The following RSPH10B variants were observed in gnomAD, a reference collection of about 807,000 sequenced individuals.
RSPH10B encodes radial spoke head 10 homolog B (Chlamydomonas).
In RSPH10B, 7 loss-of-function variants were observed where a neutral mutation model predicts 52.5. The ratio of observed to expected loss-of-function variants is 0.13; its 90% confidence interval spans 0.08 to 0.25. The LOEUF (loss-of-function observed/expected upper bound fraction) is 0.25. RSPH10B is among the 10% of genes least tolerant of loss of function. The pLI is 1.00. For missense variants in RSPH10B, 89 were observed against 542.5 expected (o/e 0.16, Z 8.30); for synonymous variants, 28 against 193.2 (o/e 0.14, Z 7.09).
chr7:5,966,869 A>T (rs199695142), exon 1 of RSPH10B: 3 of 1,368,260 alleles, frequency 2.2e-6, no homozygotes, highest in Non-Finnish European at 3.0e-6. Context: ...TCACCTTTCC[A>T]CTATGAGTTT....
rs1184827967 is a variant in RSPH10B at position 5,952,729 on chromosome 7, CT to C, written c.1102+345del. Among the ~76,000 whole-genome samples the C allele has an allele frequency of 8.9e-4, 73 of 81,672 alleles. 7 individuals are homozygous for C. The highest frequency in any genetic ancestry group is 1.1e-3 in the African/African-American group (19 of 17,108). 53.6% of individuals were successfully genotyped at this position (81,672 alleles called of 152,430 possible). Reference sequence around the variant, plus strand: ...GGATAAAAACAGATGAATTTTATTTCTTTTTTTTTTTCCATTTTATTTATTT... The same window carrying C: ...GGATAAAAACAGATGAATTTTATTTCTTTTTTTTTTCCATTTTATTTATTT... On this transcript the variant is annotated intron_variant, in intron 8 of 18. Coordinates refer to ENST00000337579, the Ensembl canonical transcript of RSPH10B.
In RSPH10B at chr7:5,927,058, GTGTGTGTGTATA is replaced by G. The variant is rs1382114868; in HGVS notation, c.2433-522_2433-511del. Among the ~76,000 whole-genome samples, 315 of 82,972 alleles carry G rather than the reference GTGTGTGTGTATA, an allele frequency of 3.8e-3. 5 individuals carry two copies. The highest frequency in any genetic ancestry group is 5.6e-3 in the Non-Finnish European group (229 of 40,976). The allele number at this position is 82,972 out of a possible 152,430, so 54.4% of individuals were successfully genotyped here. On this transcript the variant is annotated intron_variant, in intron 18 of 18. Transcript: ENST00000337579. ...GTGTGTGTGTGTGTATTATGTGTGT[GTGTGTGTGTATA>G]TGTGTGTGTGTGTGTGTGTGTGTGT...
At chr7:5,970,351 C>CTACA (rs2128645766), upstream of RSPH10B, 1 of 107,948 alleles carries the variant, frequency 9.3e-6, no homozygotes, top group African/African-American at 3.3e-5. Context: ...AATAAGTGAA[C>CTACA]TACAAATCAA....
intron 17 of RSPH10B, among the ~76,000 whole-genome samples, chr7:5,931,027 G>A (rs1224964893): frequency 9.3e-6 from 1 of 108,066 alleles, no homozygotes; most frequent in African/African-American, 3.4e-5. Flanking sequence ...TCTGCCTCCT[G>A]GGTTCAAGCA....
At chr7:5,966,196 G>T (rs1310346825) in intron 1 of RSPH10B, among the ~76,000 whole-genome samples, 1 of 85,498 alleles carries the variant, frequency 1.2e-5, no homozygotes, top group Non-Finnish European at 2.4e-5. Context: ...CTCCCAAAGT[G>T]CTGGGATTAC....
chr7:5,943,078 T>A, intron 13 of RSPH10B: 1 of 733,914 alleles, frequency 1.4e-6, no homozygotes, highest in Admixed American at 3.4e-5. Flanking sequence ...GCCATTGTTA[T>A]AGGCCATGGA....
intron 6 of RSPH10B, among the ~76,000 whole-genome samples, chr7:5,956,871 AT>A (rs1780747574): frequency 9.8e-6 from 1 of 101,552 alleles, no homozygotes; most frequent in South Asian, 3.5e-4. Context: ...CTAAATTTTT[AT>A]TTTTTAAAGA....
At chr7:5,927,048 T>TGTGTGTGTGTGTA (rs1347951159) in intron 18 of RSPH10B, among the ~76,000 whole-genome samples, 97 of 70,748 alleles carry the variant, frequency 1.4e-3, no homozygotes, top group Middle Eastern at 0.01. Flanking sequence ...TGTGTGTGTA[T>TGTGTGTGTGTGTA]TATGTGTGTG....
Position 5,958,972 on chromosome 7 carries a change from C to T in RSPH10B, c.659+21G>A, listed in dbSNP as rs765562279. The T allele has an allele frequency of 1.5e-5, 20 of 1,327,342 alleles. 4 individuals are homozygous for T. Among genetic ancestry groups the T allele is most frequent in the South Asian group, 1.3e-4 (11 of 84,890 alleles). The allele number at this position is 1,327,342 out of a possible 1,614,324, so 82.2% of individuals were successfully genotyped here. On this transcript the variant is annotated intron_variant, in intron 5 of 18. Coordinates refer to ENST00000337579, the Ensembl canonical transcript of RSPH10B. Reference sequence around the variant, plus strand: ...AACCCTTCTTCATCTACACCCCAAGCGCGGCGGTGGTCATACCTACCATCT... The same window carrying T: ...AACCCTTCTTCATCTACACCCCAAGTGCGGCGGTGGTCATACCTACCATCT...
At chr7:5,940,941 TA>T (rs376745490) in intron 13 of RSPH10B, among the ~76,000 whole-genome samples, 18,617 of 58,822 alleles carry the variant, frequency 0.32, 3,136 homozygotes, top group South Asian at 0.44. Flanking sequence ...ATAATAATAA[TA>T]ATTATTATTA....
At chr7:5,967,377 AG>A, upstream of RSPH10B, 1 of 130,912 alleles carries the variant, frequency 7.6e-6, no homozygotes, top group Non-Finnish European at 1.5e-5. Flanking sequence ...CCAAGGTGGG[AG>A]GATCATGTGA....
intron 17 of RSPH10B, among the ~76,000 whole-genome samples, chr7:5,931,440 G>C (rs1172004678): frequency 4.0e-5 from 6 of 151,482 alleles, no homozygotes; most frequent in Non-Finnish European, 7.4e-5. Flanking sequence ...CAGAAAAGGG[G>C]GAGGGCCAGG....
chr7:5,932,006 AG>A lies in RSPH10B; in HGVS notation c.2233+775del, dbSNP rs1779800559. Among the ~76,000 whole-genome samples, 3 of 150,516 alleles carry A rather than the reference AG, an allele frequency of 2.0e-5. 1 individual carries two copies. The Admixed American group carries it at 2.0e-4, about 10-fold the overall frequency. ...CCTGTCTCAAAAAAAGAAAAAGAAA[AG>A]AAAAGAAAAGGGGAAACACCAGGGC... On this transcript the variant is annotated intron_variant, in intron 17 of 18. Transcript: ENST00000337579.
At chr7:5,942,912 T>TATATATATTTATTATATATATATTTATA (rs1562567124) in intron 13 of RSPH10B, among the ~76,000 whole-genome samples, 21 of 93,604 alleles carry the variant, frequency 2.2e-4, no homozygotes, top group African/African-American at 7.1e-4. Flanking sequence ...ATATATTTAT[T>TATATATATTTATTATATATATATTTATA]TATATATATA....
intron 9 of RSPH10B, among the ~76,000 whole-genome samples, chr7:5,950,288 C>T (rs1780543890): frequency 6.6e-6 from 1 of 151,884 alleles, no homozygotes; most frequent in Non-Finnish European, 1.5e-5. Context: ...AAGCAATATT[C>T]CGCCAGGTGC....
At chr7:5,927,117 G>T (rs72581022) in intron 18 of RSPH10B, among the ~76,000 whole-genome samples, 26,427 of 116,074 alleles carry the variant, frequency 0.23, 297 homozygotes, top group East Asian at 0.41. Flanking sequence ...TTTGAGATAG[G>T]GTCTTACTGT....
chr7:5,937,524 GC>G (rs1779985455), intron 15 of RSPH10B, among the ~76,000 whole-genome samples: 2 of 118,292 alleles, frequency 1.7e-5, no homozygotes, highest in South Asian at 4.9e-4. Flanking sequence ...TCCTGCCTCA[GC>G]CTCCCCGGTA....
chr7:5,931,733 G>A (rs1489019259), intron 17 of RSPH10B, among the ~76,000 whole-genome samples: 3 of 150,886 alleles, frequency 2.0e-5, no homozygotes, highest in African/African-American at 7.3e-5. Flanking sequence ...GGGCGGGTGG[G>A]CTCACACCTG....
chr7:5,954,988 TAA>T (rs1185408288), intron 7 of RSPH10B, among the ~76,000 whole-genome samples: 128 of 24,142 alleles, frequency 5.3e-3, no homozygotes, highest in Admixed American at 6.1e-3. Flanking sequence ...CTGTAACTAC[TAA>T]AAAAAAAAAA....
Sources: allele counts gnomAD v4.1 joint callset (sites outside exome capture counted in the v4.1 genomes callset), GRCh38; gene constraint gnomAD v4.1.1; transcripts MANE v1.5; gene names NCBI Gene and HGNC (gene_info 2026-07-23, HGNC 2026-07-21).